The following GRHL1 variants were observed in gnomAD, a reference collection of about 807,000 sequenced individuals.
GRHL1 encodes the protein grainyhead like transcription factor 1.
A neutral mutation model predicts 75.7 loss-of-function variants in GRHL1; 38 were observed. The ratio of observed to expected loss-of-function variants is 0.50; its 90% confidence interval spans 0.39 to 0.66. GRHL1 has a LOEUF of 0.66. Ranked by LOEUF, GRHL1 falls within the 30% of genes least tolerant of loss-of-function variation. The probability of loss-of-function intolerance (pLI) is 0.00; values close to 1 mark genes in which losing one functional copy is unlikely to be tolerated. For missense variants in GRHL1, 589 were observed against 767.5 expected (o/e 0.77, Z 2.75); for synonymous variants, 266 against 279.4 (o/e 0.95, Z 0.48).
intron 14 of GRHL1, among the ~76,000 whole-genome samples, chr2:9,998,605 T>TATATACATATATATGTACAC (rs1470414149): frequency 3.5e-5 from 2 of 57,014 alleles, no homozygotes; most frequent in Non-Finnish European, 5.8e-5. Flanking sequence ...TACACATATA[T>TATATACATATATATGTACAC]ATATACATAT....
rs1004129261 is a variant in GRHL1 at position 9,951,945 on chromosome 2, C to CGCGG, written c.20+104_20+107dup. The CGCGG allele has an allele frequency of 2.9e-5, 23 of 800,134 alleles. No homozygotes were observed. In the Admixed American group the frequency reaches 5.3e-4, roughly 18 times the overall value. The allele number at this position is 800,134 out of a possible 1,614,324, so 49.6% of individuals were successfully genotyped here. A position where few individuals can be genotyped will look rare whatever the true frequency, so the allele number is the denominator to read the frequency against. On this transcript the variant is annotated intron_variant, in intron 1 of 15. Transcript: ENST00000324907. This position sits in a 1 kb window ranked among gnomAD's most constrained non-coding sequence, Gnocchi z 4.2. ...CGAGCCGGGCGCAGACCCGAGGCCGCGCGGGCGGGCGGGCGCGGGGCGCGA... is the reference window on the plus strand; with the variant it reads ...CGAGCCGGGCGCAGACCCGAGGCCGCGCGGGCGGGCGGGCGGGCGCGGGGCGCGA...
At chr2:9,963,501 A>G (rs1667358861) in intron 5 of GRHL1, among the ~76,000 whole-genome samples, 1 of 152,198 alleles carries the variant, frequency 6.6e-6, no homozygotes. Flanking sequence ...ACAAGTAGGA[A>G]CAACAAAAAA....
chr2:9,971,717 G>C (rs1667733345), intron 8 of GRHL1, among the ~76,000 whole-genome samples: 1 of 152,196 alleles, frequency 6.6e-6, no homozygotes. Flanking sequence ...ATAGTCTTTA[G>C]AGTTGTAGCT....
At chr2:9,998,175 G>A (rs1433587084) in intron 14 of GRHL1, among the ~76,000 whole-genome samples, 1 of 152,118 alleles carries the variant, frequency 6.6e-6, no homozygotes, top group Non-Finnish European at 1.5e-5. Context: ...GGATGGTCTG[G>A]ATGACAAGTG....
chr2:10,000,941 C>G lies in GRHL1; in HGVS notation c.*234C>G. 2.7e-6 allele frequency: 1 copy of G among 368,482 alleles called. No individual in the cohort carries two copies. Among genetic ancestry groups the G allele is most frequent in the Non-Finnish European group, 4.9e-6 (1 of 206,042 alleles). The allele number at this position is 368,482 out of a possible 1,614,324, so 22.8% of individuals were successfully genotyped here. ...TCCATATACCATTATGTTTGAATTT[C>G]CTGATATATACAGGATTTAAAGTGA... On this transcript the variant is annotated 3_prime_UTR_variant, in exon 16 of 16. Transcript: ENST00000324907.
intron 8 of GRHL1, among the ~76,000 whole-genome samples, chr2:9,984,288 A>G (rs1386108399): frequency 2.0e-5 from 3 of 152,120 alleles, no homozygotes; most frequent in Admixed American, 2.0e-4. Context: ...CTGTTGACCC[A>G]GGGGCTAGAA....
chr2:9,971,763 A>G (rs1386934454), intron 8 of GRHL1, among the ~76,000 whole-genome samples: 2 of 152,222 alleles, frequency 1.3e-5, no homozygotes, highest in Non-Finnish European at 1.5e-5. Flanking sequence ...AACTTCCTTG[A>G]TTGGAAATTT....
chr2:9,968,821 G>A lies in GRHL1; in HGVS notation c.1110+3440G>A, dbSNP rs945855161. On this transcript the variant is annotated intron_variant, in intron 8 of 15. Coordinates refer to ENST00000324907, the MANE Select transcript of GRHL1 (RefSeq NM_198182.3). The surrounding 1 kb of genome is among the most constrained non-coding windows in gnomAD (Gnocchi z 4.7). ...TCAGAACTGAGCCCAGCACATATCC[G>A]AGAGCCTGCTGTGGACAAGGCGTGG... is the stretch of plus-strand genomic sequence containing the variant. Among the ~76,000 whole-genome samples, 4 of 152,164 alleles carry A rather than the reference G, an allele frequency of 2.6e-5. No individual in the cohort carries two copies. The highest frequency in any genetic ancestry group is 5.9e-5 in the Non-Finnish European group (4 of 68,042).
chr2:9,982,590 G>A (rs1168950698), intron 8 of GRHL1, among the ~76,000 whole-genome samples: 3 of 152,216 alleles, frequency 2.0e-5, no homozygotes, highest in African/African-American at 4.8e-5. Flanking sequence ...TAGCTGGAGA[G>A]CTTGTTAACC....
At chr2:9,985,099 T>C (rs1572375986) in intron 8 of GRHL1, among the ~76,000 whole-genome samples, 1 of 150,972 alleles carries the variant, frequency 6.6e-6, no homozygotes, top group South Asian at 2.1e-4. Context: ...CTGTGGGAAG[T>C]GGTGGCTTGG....
intron 15 of GRHL1, 70 bp from the exon 16 acceptor site, chr2:10,000,523 A>C (rs2163338): frequency 3.8e-6 from 3 of 780,612 alleles, no homozygotes; most frequent in Non-Finnish European, 4.5e-6. Context: ...GAGAGCTAAC[A>C]GGTCAATCTA....
At chr2:9,971,016 T>G (rs1667701979) in intron 8 of GRHL1, among the ~76,000 whole-genome samples, 1 of 152,134 alleles carries the variant, frequency 6.6e-6, no homozygotes, top group Non-Finnish European at 1.5e-5. Context: ...TTGAGGCTTG[T>G]AGAGTCCATT....
intron 8 of GRHL1, among the ~76,000 whole-genome samples, chr2:9,978,070 G>A (rs1558305015): frequency 6.6e-6 from 1 of 152,200 alleles, no homozygotes; most frequent in Non-Finnish European, 1.5e-5. Flanking sequence ...CACGAGAACA[G>A]TATGGGGGAA....
At chr2:9,974,608 A>G (rs539748791) in intron 8 of GRHL1, among the ~76,000 whole-genome samples, 1 of 152,346 alleles carries the variant, frequency 6.6e-6, no homozygotes, top group Admixed American at 6.5e-5. Context: ...CTGATTCACA[A>G]AAGCAAAACA....
chr2:9,961,210 C>G lies in GRHL1; in HGVS notation c.443C>G (p.Ser148Cys). 1.2e-6 allele frequency: 2 copies of G among 1,614,082 alleles called. No homozygotes were observed. The highest frequency in any genetic ancestry group is 1.7e-6 in the Non-Finnish European group (2 of 1,179,976). ...LTAPDTTVTV[S>C]IATMPTHSIK... ...GCTCCAGATACGACAGTCACTGTCT[C>G]CATAGCAACGATGCCTACCCACTCC... The change falls in exon 4 of 16, where the codon TCC becomes TGC. Residue 148 changes from serine to cysteine, a missense_variant. Around this residue, in one of 5 missense-constraint regions of GRHL1, gnomAD observed 362 missense variants for 461.8 expected, o/e 0.78. Coordinates refer to ENST00000324907, the MANE Select transcript of GRHL1 (RefSeq NM_198182.3).
intron 8 of GRHL1, among the ~76,000 whole-genome samples, chr2:9,966,850 G>T (rs1667515333): frequency 6.6e-6 from 1 of 152,174 alleles, no homozygotes; most frequent in African/African-American, 2.4e-5. Context: ...GGCTTTAGAA[G>T]GGTTTTCCTG....
intron 8 of GRHL1, among the ~76,000 whole-genome samples, chr2:9,971,969 T>G (rs1667743461): frequency 6.6e-6 from 1 of 152,126 alleles, no homozygotes; most frequent in Non-Finnish European, 1.5e-5. Flanking sequence ...AATAAGTACA[T>G]CGAACCATGG....
In GRHL1 at chr2:9,996,568, G is replaced by T. The variant is rs369339829; in HGVS notation, c.1677+167G>T. ...TCCCACATTTTATCCTCACCCAGGG[G>T]TCTTAACTCACACAGTCACTCAGTC... On this transcript the variant is annotated intron_variant, in intron 14 of 15. Coordinates refer to ENST00000324907, the MANE Select transcript of GRHL1 (RefSeq NM_198182.3). 5.5e-4 allele frequency among the ~76,000 whole-genome samples: 84 copies of T among 152,262 alleles called. No homozygotes were observed. The South Asian group carries it at 0.017, about 30-fold the overall frequency.
At chr2:9,958,176 T>TTTC (rs1216599326) in intron 2 of GRHL1, among the ~76,000 whole-genome samples, 3 of 144,206 alleles carry the variant, frequency 2.1e-5, no homozygotes, top group African/African-American at 7.7e-5. Flanking sequence ...CTTTTTTTCT[T>TTTC]TTTTTTTTTT....
Sources: allele counts gnomAD v4.1 joint callset (sites outside exome capture counted in the v4.1 genomes callset), GRCh38; gene constraint gnomAD v4.1.1; regional missense constraint gnomAD v4.1.1; non-coding constraint Gnocchi (gnomAD v3.1); transcripts MANE v1.5; gene names NCBI Gene and HGNC (gene_info 2026-07-23, HGNC 2026-07-21).